Variants in DLGAP2 observed in about 807,000 individuals in gnomAD.
DLGAP2 encodes DLG associated protein 2, also known as disks large-associated protein 2.
DLGAP2 carries 26 observed loss-of-function variants against 100.3 expected under a neutral mutation model. The ratio of observed to expected loss-of-function variants is 0.26; its 90% CI spans 0.19 to 0.36. DLGAP2 has a LOEUF of 0.36. Ranked by LOEUF, DLGAP2 falls within the 10% of genes least tolerant of loss-of-function variation. The pLI is 1.00. For missense variants in DLGAP2, 1,858 were observed against 1,453.2 expected (o/e 1.28, Z -4.53); for synonymous variants, 886 against 630.1 (o/e 1.41, Z -6.08).
intron 1 of DLGAP2, among the ~76,000 whole-genome samples, chr8:786,839 C>T (rs115676553): frequency 6.6e-6 from 1 of 151,914 alleles, no homozygotes; most frequent in Non-Finnish European, 1.5e-5. Flanking sequence ...TCAGTGAGAC[C>T]TGTGAACGTG....
At chr8:1,253,201 C>T (rs1216031059) in intron 2 of DLGAP2, among the ~76,000 whole-genome samples, 4 of 152,222 alleles carry the variant, frequency 2.6e-5, no homozygotes, top group African/African-American at 9.6e-5. Flanking sequence ...AGCTTGGCTT[C>T]GTCCTGAGGA....
rs1584952470 is a variant in DLGAP2, at chr8:990,355, C to T, written c.73+82389C>T. ...TCGGAGTTCCTGTTCTTCTCTCCCT[C>T]CTTGCCCGGACCCCCTGCACCCCCA... is the stretch of plus-strand genomic sequence containing the variant. On this transcript the variant is annotated intron_variant, in intron 2 of 14. Coordinates refer to ENST00000637795, the MANE Select transcript of DLGAP2 (RefSeq NM_001346810.2). 3.2e-5 allele frequency among the ~76,000 whole-genome samples: 4 copies of T among 124,626 alleles called. No individual in the cohort carries two copies. In the East Asian group the frequency reaches 9.7e-4, roughly 30 times the overall value. 81.8% of individuals were successfully genotyped at this position (124,626 alleles called of 152,430 possible).
At chr8:1,001,076 A>G (rs6995525) in intron 2 of DLGAP2, among the ~76,000 whole-genome samples, 3,776 of 152,316 alleles carry the variant, frequency 0.025, 144 homozygotes, top group African/African-American at 0.086. Flanking sequence ...CTGAGTGGCA[A>G]TGACAGAGGG....
intron 3 of DLGAP2, among the ~76,000 whole-genome samples, chr8:1,410,674 G>A (rs1046497592): frequency 1.3e-5 from 2 of 152,142 alleles, no homozygotes; most frequent in African/African-American, 2.4e-5. Context: ...TGTGTTTCAC[G>A]CACGGCATCA....
chr8:1,623,432 A>C (rs1328478635), intron 6 of DLGAP2, among the ~76,000 whole-genome samples: 1 of 136,108 alleles, frequency 7.3e-6, no homozygotes. Context: ...TGATGACCTG[A>C]CACCAGTGCA....
intron 3 of DLGAP2, among the ~76,000 whole-genome samples, chr8:1,458,531 T>G (rs1798383481): frequency 6.6e-6 from 1 of 152,238 alleles, no homozygotes; most frequent in Non-Finnish European, 1.5e-5. Context: ...CCTGGCATCA[T>G]GAATAATGGT....
chr8:1,339,636 C>T (rs1483617868), intron 3 of DLGAP2, among the ~76,000 whole-genome samples: 1 of 152,256 alleles, frequency 6.6e-6, no homozygotes, highest in Non-Finnish European at 1.5e-5. Context: ...CATGGGTTAT[C>T]TCATGTAATC....
At chr8:811,139 GCTCA>G (rs1796362674) in intron 1 of DLGAP2, among the ~76,000 whole-genome samples, 1 of 152,240 alleles carries the variant, frequency 6.6e-6, no homozygotes, top group South Asian at 2.1e-4. Context: ...TGCTGGTGAA[GCTCA>G]CTCCATTATC....
chr8:1,482,657 G>C (rs574496093), intron 3 of DLGAP2, among the ~76,000 whole-genome samples: 1 of 152,340 alleles, frequency 6.6e-6, no homozygotes, highest in South Asian at 2.1e-4. Flanking sequence ...CGGTTTCCGG[G>C]AGTCCCTGCG....
At chr8:1,416,396 G>A (rs144974294) in intron 3 of DLGAP2, among the ~76,000 whole-genome samples, 6 of 152,278 alleles carry the variant, frequency 3.9e-5, no homozygotes, top group East Asian at 1.9e-4. Context: ...GCAGTGCAGC[G>A]ATACTACAGT....
At chr8:1,254,253 G>A (rs541426543) in intron 2 of DLGAP2, among the ~76,000 whole-genome samples, 2 of 152,296 alleles carry the variant, frequency 1.3e-5, no homozygotes, top group South Asian at 4.1e-4. Flanking sequence ...CCCTGCCCTG[G>A]GGGAACCCCG....
chr8:1,373,441 CAG>C (rs1802301732), intron 3 of DLGAP2, among the ~76,000 whole-genome samples: 1 of 152,178 alleles, frequency 6.6e-6, no homozygotes. Flanking sequence ...GGGGGCCGGA[CAG>C]AGAGCCGTGT....
At chr8:1,441,466 G>C (rs978519700) in intron 3 of DLGAP2, among the ~76,000 whole-genome samples, 9 of 152,098 alleles carry the variant, frequency 5.9e-5, no homozygotes, top group African/African-American at 1.9e-4. Flanking sequence ...GAGGTGGGCA[G>C]ATCACAAGGT....
At chr8:1,033,558 C>T (rs1193211547) in intron 2 of DLGAP2, among the ~76,000 whole-genome samples, 1 of 152,174 alleles carries the variant, frequency 6.6e-6, no homozygotes, top group East Asian at 1.9e-4. Context: ...GTCCCAGCTA[C>T]TAGGGGGGCC....
intron 6 of DLGAP2, among the ~76,000 whole-genome samples, chr8:1,583,842 C>A (rs963789680): frequency 1.3e-5 from 2 of 152,080 alleles, no homozygotes; most frequent in South Asian, 2.1e-4. Context: ...AGTGCAGATC[C>A]TTCGTGATCT....
At chr8:785,161 G>A (rs1314843592) in intron 1 of DLGAP2, among the ~76,000 whole-genome samples, 2 of 137,846 alleles carry the variant, frequency 1.5e-5, no homozygotes, top group African/African-American at 5.4e-5. Flanking sequence ...AGTTTGCAGT[G>A]AGCAGAGATC....
intron 6 of DLGAP2, among the ~76,000 whole-genome samples, chr8:1,596,526 C>T (rs1299057952): frequency 6.6e-6 from 1 of 152,178 alleles, no homozygotes; most frequent in Non-Finnish European, 1.5e-5. Flanking sequence ...TTATCATCTC[C>T]AACATCTGTT....
intron 6 of DLGAP2, among the ~76,000 whole-genome samples, chr8:1,600,519 T>C (rs746870703): frequency 6.6e-5 from 10 of 152,238 alleles, no homozygotes; most frequent in Middle Eastern, 3.2e-3. Context: ...TAATCTAATG[T>C]AGGATTGGTC....
At chr8:832,971 C>G (rs77027838) in intron 1 of DLGAP2, among the ~76,000 whole-genome samples, 7,004 of 152,270 alleles carry the variant, frequency 0.046, 200 homozygotes, top group Non-Finnish European at 0.068. Flanking sequence ...ACTCTGGTTT[C>G]TCACACAGCA....
Sources: gnomAD v4.1 joint callset for allele counts (sites outside exome capture counted in the v4.1 genomes callset) on GRCh38, gnomAD v4.1.1 for gene constraint, MANE v1.5 for transcripts, NCBI Gene and HGNC (gene_info 2026-07-23, HGNC 2026-07-21) for gene names.